ZNF385D: variants seen among roughly 807,000 people sequenced by gnomAD.
The protein encoded by ZNF385D is zinc finger protein 385D, also known as zinc finger protein 659.
A neutral mutation model predicts 35.8 loss-of-function variants in ZNF385D; 15 were observed. That is an observed-to-expected ratio of 0.42 (90% CI 0.28 to 0.64). The LOEUF is 0.64. Ranked by LOEUF, ZNF385D falls within the 30% of genes least tolerant of loss-of-function variation. The probability of loss-of-function intolerance (pLI) is 0.23; values close to 1 mark genes in which losing one functional copy is unlikely to be tolerated. For synonymous variants in ZNF385D, 212 were observed against 186.8 expected, an observed-to-expected ratio of 1.13 and a Z score of -1.10; for missense variants, 474 against 494.6, an observed-to-expected ratio of 0.96 and a Z score of 0.39.
At chr3:21,724,752 C>T (rs1175541942) in intron 1 of ZNF385D, among the ~76,000 whole-genome samples, 1 of 152,082 alleles carries the variant, frequency 6.6e-6, no homozygotes, top group Non-Finnish European at 1.5e-5. Context: ...TAACACCCCA[C>T]TGTCAATATT....
chr3:22,165,417 G>A (rs1332333159), intron 3 of ZNF385D, among the ~76,000 whole-genome samples: 1 of 152,178 alleles, frequency 6.6e-6, no homozygotes. Context: ...GAATCTTATG[G>A]GAGCTGATCA....
intron 3 of ZNF385D, among the ~76,000 whole-genome samples, chr3:22,030,343 G>T (rs1331585093): frequency 1.7e-5 from 2 of 119,140 alleles, no homozygotes; most frequent in South Asian, 2.9e-4. Flanking sequence ...TGACTAATAT[G>T]GTTTAATTGA....
chr3:21,751,089 T>G lies in ZNF385D; in HGVS notation c.-173A>C, dbSNP rs150791283. On this transcript the variant is annotated 5_prime_UTR_variant, in exon 1 of 8. Transcript: ENST00000281523. Reference sequence around the variant, plus strand: ...CGGGATGAGCGCCTTGCAGGCTGCCTTTCCAGGGCTAAGATCCCCGGCGGC... The same window carrying G: ...CGGGATGAGCGCCTTGCAGGCTGCCGTTCCAGGGCTAAGATCCCCGGCGGC... 2.6e-5 allele frequency: 39 copies of G among 1,494,406 alleles called. No individual in the cohort carries two copies. The East Asian group carries it at 9.6e-4, about 37-fold the overall frequency. 92.6% of individuals were successfully genotyped at this position (1,494,406 alleles called of 1,614,324 possible). A position where few individuals can be genotyped will look rare whatever the true frequency, so the allele number is the denominator to read the frequency against.
At chr3:21,701,514 C>T (rs2067683111) in intron 1 of ZNF385D, among the ~76,000 whole-genome samples, 2 of 152,066 alleles carry the variant, frequency 1.3e-5, no homozygotes, top group African/African-American at 2.4e-5. Context: ...TCATATCATT[C>T]CAAACCTGGC....
At chr3:22,110,352 G>A (rs938244440) in intron 3 of ZNF385D, among the ~76,000 whole-genome samples, 41 of 151,886 alleles carry the variant, frequency 2.7e-4, no homozygotes, top group African/African-American at 8.0e-4. Context: ...TGTTTATTGC[G>A]GCACTATTCA....
At chr3:21,876,037 T>C (rs534603341) in intron 3 of ZNF385D, among the ~76,000 whole-genome samples, 26 of 152,216 alleles carry the variant, frequency 1.7e-4, no homozygotes, top group African/African-American at 6.0e-4. Context: ...AGTTACTTCA[T>C]CATAGTTGGT....
In ZNF385D at chr3:21,683,886, A is replaced by C. The variant is rs1005158184; in HGVS notation, c.23-18858T>G. Among the ~76,000 whole-genome samples the C allele has an allele frequency of 2.0e-5, 3 of 150,138 alleles. 1 individual carries two copies. The highest frequency in any genetic ancestry group is 7.4e-5 in the African/African-American group (3 of 40,724). On this transcript the variant is annotated intron_variant, in intron 1 of 7. Coordinates refer to ENST00000281523, the MANE Select transcript of ZNF385D (RefSeq NM_024697.3). ...AATGAATTTGAGAAACAGATTTTTA[A>C]CACAGAGTGTCCTGATGAGGACTCA... is the stretch of plus-strand genomic sequence containing the variant.
intron 2 of ZNF385D, among the ~76,000 whole-genome samples, chr3:22,237,645 A>G (rs1699262265): frequency 6.6e-6 from 1 of 152,044 alleles, no homozygotes; most frequent in South Asian, 2.1e-4. Flanking sequence ...TCTTAAATTT[A>G]GACCTTATTT....
intron 3 of ZNF385D, among the ~76,000 whole-genome samples, chr3:22,151,519 G>A (rs1048902880): frequency 1.1e-4 from 17 of 152,122 alleles, no homozygotes; most frequent in African/African-American, 4.1e-4. Flanking sequence ...TTCAATGCAT[G>A]CATTATTTAG....
rs533526051 is a variant in ZNF385D, at chr3:22,140,715, T to C, written c.325+28102A>G. 5.3e-5 allele frequency among the ~76,000 whole-genome samples: 8 copies of C among 152,288 alleles called. No homozygotes were observed. In the South Asian group the frequency reaches 6.2e-4, roughly 12 times the overall value. On this transcript the variant is annotated intron_variant, in intron 3 of 5. Transcript: ENST00000494108. ...TTTGAAACATCTGAAATTATTTCAA[T>C]AAAAAGCTAAAATGCATTGGAAAAA...
chr3:21,614,651 C>T (rs868764268), intron 2 of ZNF385D, among the ~76,000 whole-genome samples: 5 of 152,142 alleles, frequency 3.3e-5, no homozygotes, highest in African/African-American at 4.8e-5. Flanking sequence ...TGCAGTGGCA[C>T]GATCTCGGCT....
chr3:21,689,130 CAAAA>C (rs5847126), intron 1 of ZNF385D, among the ~76,000 whole-genome samples: 1,839 of 114,320 alleles, frequency 0.016, 14 homozygotes, highest in Non-Finnish European at 0.022. Flanking sequence ...CTTATTGAAG[CAAAA>C]AAAAAAAAAA....
intron 2 of ZNF385D, among the ~76,000 whole-genome samples, chr3:22,224,091 A>G (rs896103169): frequency 3.9e-5 from 6 of 152,322 alleles, no homozygotes; most frequent in African/African-American, 1.4e-4. Context: ...AAATATTTTG[A>G]GGCAGTCAAA....
intron 3 of ZNF385D, among the ~76,000 whole-genome samples, chr3:21,815,722 C>T (rs531355595): frequency 1.6e-4 from 25 of 152,250 alleles, no homozygotes; most frequent in Non-Finnish European, 2.6e-4. Context: ...CCGGACCAGA[C>T]GGATTCACAG....
rs559128290 is a variant in ZNF385D at position 21,464,734 on chromosome 3, ATAAAT to A, written c.440-27536_440-27532del. ...CTCAATTATTTACAGCTGCCAAAAA[ATAAAT>A]TAAAACACACACACACACACTTATG... On this transcript the variant is annotated intron_variant, in intron 4 of 7. Transcript: ENST00000281523. 3.1e-3 allele frequency among the ~76,000 whole-genome samples: 468 copies of A among 152,026 alleles called. 1 individual carries two copies. Among genetic ancestry groups the A allele is most frequent in the Non-Finnish European group, 4.4e-3 (300 of 68,032 alleles).
intron 3 of ZNF385D, among the ~76,000 whole-genome samples, chr3:22,008,360 C>CTTTTTTTTTTTT (rs67145956): frequency 6.1e-5 from 8 of 131,926 alleles, no homozygotes; most frequent in African/African-American, 1.2e-4. Context: ...CCATGATTTT[C>CTTTTTTTTTTTT]TTTTTTTTTT....
At chr3:21,497,195 G>A (rs1266786441) in intron 4 of ZNF385D, among the ~76,000 whole-genome samples, 1 of 152,042 alleles carries the variant, frequency 6.6e-6, no homozygotes, top group Non-Finnish European at 1.5e-5. Flanking sequence ...AACAACTTCA[G>A]CAAAACTTTG....
intron 3 of ZNF385D, among the ~76,000 whole-genome samples, chr3:21,797,478 A>G (rs755512488): frequency 1.1e-4 from 17 of 152,144 alleles, no homozygotes; most frequent in Non-Finnish European, 2.2e-4. Flanking sequence ...CAGTAATCAC[A>G]CTCCTTGATA....
intron 3 of ZNF385D, among the ~76,000 whole-genome samples, chr3:22,080,464 T>G (rs1700691505): frequency 6.6e-6 from 1 of 152,086 alleles, no homozygotes; most frequent in African/African-American, 2.4e-5. Flanking sequence ...TCATAAGCTT[T>G]GAAGGAAACT....
Sources: allele counts gnomAD v4.1 joint callset (sites outside exome capture counted in the v4.1 genomes callset), GRCh38; gene constraint gnomAD v4.1.1; transcripts MANE v1.5; gene names NCBI Gene and HGNC (gene_info 2026-07-23, HGNC 2026-07-21).